The following RNASE4 variants were observed in gnomAD, a reference collection of about 807,000 sequenced individuals.
RNASE4 encodes the protein ribonuclease A family member 4.
For missense variants in RNASE4, 194 were observed against 192.8 expected (o/e 1.01, Z -0.04); for synonymous variants, 93 against 71.4 (o/e 1.30, Z -1.52).
chr14:20,688,356 A>T (rs999480901), intron 1 of RNASE4, among the ~76,000 whole-genome samples: 1 of 152,254 alleles, frequency 6.6e-6, no homozygotes, highest in African/African-American at 2.4e-5. Flanking sequence ...AGGATGTGAT[A>T]TGATAAATGA....
intron 1 of RNASE4, chr14:20,694,282 T>A: frequency 2.1e-6 from 1 of 476,218 alleles, no homozygotes; most frequent in Non-Finnish European, 3.7e-6. Flanking sequence ...AGAAATGCCT[T>A]TTTCTTTTCT....
intron 1 of RNASE4, among the ~76,000 whole-genome samples, chr14:20,692,538 G>A (rs1267913344): frequency 6.6e-6 from 1 of 152,218 alleles, no homozygotes; most frequent in Admixed American, 6.5e-5. Context: ...ATTCTCATAG[G>A]AGCTGGACGC....
chr14:20,697,038 A>T (rs923329163), intron 1 of RNASE4, among the ~76,000 whole-genome samples: 5 of 152,174 alleles, frequency 3.3e-5, no homozygotes, highest in Admixed American at 6.5e-5. Context: ...GAGATCATTC[A>T]ATTTTCTCTT....
intron 1 of RNASE4, among the ~76,000 whole-genome samples, chr14:20,694,554 C>T (rs1887011122): frequency 6.6e-6 from 1 of 152,040 alleles, no homozygotes; most frequent in Non-Finnish European, 1.5e-5. Context: ...CCCACCTTGG[C>T]CTCTCAAAGT....
At chr14:20,694,359 G>A (rs1887000599) in intron 1 of RNASE4, among the ~76,000 whole-genome samples, 1 of 142,570 alleles carries the variant, frequency 7.0e-6, no homozygotes, top group Non-Finnish European at 1.5e-5. Flanking sequence ...AAGTGCAATG[G>A]CACAATCTCG....
chr14:20,689,332 G>T (rs1010942432), intron 1 of RNASE4, among the ~76,000 whole-genome samples: 4 of 152,180 alleles, frequency 2.6e-5, no homozygotes, highest in African/African-American at 9.7e-5. Flanking sequence ...TCAAAAGAAG[G>T]CTCACTGGCA....
intron 1 of RNASE4, among the ~76,000 whole-genome samples, chr14:20,687,014 G>GA (rs917757085): frequency 6.6e-6 from 1 of 152,190 alleles, no homozygotes; most frequent in African/African-American, 2.4e-5. Context: ...AAATCTCCAG[G>GA]AAAGGGGAAT....
intron 1 of RNASE4, among the ~76,000 whole-genome samples, chr14:20,689,566 G>T (rs1412644683): frequency 1.3e-5 from 2 of 152,128 alleles, no homozygotes; most frequent in African/African-American, 4.8e-5. Flanking sequence ...GAGAGGGAGA[G>T]AATAATTCTT....
intron 1 of RNASE4, among the ~76,000 whole-genome samples, chr14:20,695,148 G>A (rs1416619397): frequency 6.6e-6 from 1 of 152,216 alleles, no homozygotes; most frequent in Non-Finnish European, 1.5e-5. Context: ...CTGTAATCCA[G>A]CACTTTGGGA....
In RNASE4 at chr14:20,699,781, G is replaced by T. The variant is rs1293310594; in HGVS notation, c.410G>T (p.Gly137Val). 2.5e-6 allele frequency: 4 copies of T among 1,612,534 alleles called. No individual in the cohort carries two copies. The highest frequency in any genetic ancestry group is 2.5e-6 in the Non-Finnish European group (3 of 1,179,998). Reference sequence around the variant, plus strand: ...AGACGTGTTGTCATTGCCTGTGAGGGTAACCCACAGGTGCCTGTGCACTTT... The same window carrying T: ...AGACGTGTTGTCATTGCCTGTGAGGTTAACCCACAGGTGCCTGTGCACTTT... Reference protein sequence around the residue: ...STRRVVIACEGNPQVPVHFDG With the variant: ...STRRVVIACEVNPQVPVHFDG The change falls in exon 2 of 2, where the codon GGT becomes GTT. Residue 137 changes from glycine (G) to valine (V), a missense_variant. Coordinates refer to ENST00000555835, the MANE Select transcript of RNASE4 (RefSeq NM_002937.5).
intron 1 of RNASE4, among the ~76,000 whole-genome samples, chr14:20,697,624 C>T (rs1200998978): frequency 6.6e-6 from 1 of 152,134 alleles, no homozygotes; most frequent in Non-Finnish European, 1.5e-5. Context: ...AGGTACAGGT[C>T]GTTTGGAAGC....
At chr14:20,694,037 C>G (rs746829799) in intron 1 of RNASE4, 2 of 1,612,592 alleles carry the variant, frequency 1.2e-6, no homozygotes, top group East Asian at 2.2e-5. Context: ...AGTGCTGGCT[C>G]TGCTGTCCTT....
Position 20,699,977 on chromosome 14 carries a change from A to C in RNASE4, c.*162A>C. 1.5e-6 allele frequency: 1 copy of C among 645,504 alleles called. No individual in the cohort carries two copies. Among genetic ancestry groups the C allele is most frequent in the Non-Finnish European group, 2.7e-6 (1 of 366,152 alleles). The allele number at this position is 645,504 out of a possible 1,614,324, so 40.0% of individuals were successfully genotyped here. ...CTATTAAATACATTGCACCAAAGAG[A>C]TATGGAGACATAAACCTGTAATGAA... On this transcript the variant is annotated 3_prime_UTR_variant, in exon 2 of 2. Coordinates refer to ENST00000555835, the MANE Select transcript of RNASE4 (RefSeq NM_002937.5).
At position 20,699,729 on chromosome 14, in the gene RNASE4, T is replaced by G. The variant is rs1887227330; in HGVS notation, c.358T>G (p.Cys120Gly). The change falls in exon 2 of 2, where the codon TGC (cysteine) becomes GGC (glycine). Residue 120 changes from cysteine (C) to glycine (G), a missense_variant. Transcript: ENST00000555835. ...RDTGSSRAPN[C>G]RYRAIASTRR... ...CACAGGAAGTTCCAGGGCACCCAACTGCAGATATCGGGCCATAGCGAGCAC... is the reference window on the plus strand; with the variant it reads ...CACAGGAAGTTCCAGGGCACCCAACGGCAGATATCGGGCCATAGCGAGCAC... 2 of 1,610,780 alleles carry G rather than the reference T, an allele frequency of 1.2e-6. No homozygotes were observed. The highest frequency in any genetic ancestry group is 1.7e-6 in the Non-Finnish European group (2 of 1,180,022).
intron 1 of RNASE4, chr14:20,699,113 G>A: frequency 2.2e-6 from 1 of 460,268 alleles, no homozygotes; most frequent in Non-Finnish European, 3.9e-6. Context: ...CATTGTACTG[G>A]CCACAGCAAC....
At chr14:20,698,174 C>T (rs1887155101) in intron 1 of RNASE4, among the ~76,000 whole-genome samples, 1 of 151,712 alleles carries the variant, frequency 6.6e-6, no homozygotes, top group Non-Finnish European at 1.5e-5. Flanking sequence ...TTTTTGTTGC[C>T]ACTCTGGCTT....
chr14:20,686,169 G>A (rs1034681845), intron 1 of RNASE4, among the ~76,000 whole-genome samples: 1 of 152,078 alleles, frequency 6.6e-6, no homozygotes, highest in East Asian at 1.9e-4. Flanking sequence ...ATGAGGGGTG[G>A]ACAGAGTCTC....
Position 20,699,693 on chromosome 14 carries a change from G to C in RNASE4, c.322G>C (p.Asp108His). 6.2e-7 allele frequency: 1 copy of C among 1,610,016 alleles called. No individual in the cohort carries two copies. Among genetic ancestry groups the C allele is most frequent in the Non-Finnish European group, 8.5e-7 (1 of 1,180,004 alleles). The change falls in exon 2 of 2, where the codon GAT becomes CAT. Residue 108 changes from aspartate to histidine, a missense_variant. By Grantham distance (81) the Asp-to-His change is moderately conservative. Coordinates refer to ENST00000555835, the MANE Select transcript of RNASE4 (RefSeq NM_002937.5). Reference sequence around the variant, plus strand: ...CCATGAGGGTGTAGTGAAGGTCACAGATTGCAGGGACACAGGAAGTTCCAG... The same window carrying C: ...CCATGAGGGTGTAGTGAAGGTCACACATTGCAGGGACACAGGAAGTTCCAG... ...NCHEGVVKVT[D>H]CRDTGSSRAP...
rs1268270786 is a variant in RNASE4 at position 20,699,497 on chromosome 14, C to T, written c.126C>T (p.His42=). Residue 42 remains histidine, a synonymous_variant, in exon 2 of 2, where the codon CAC becomes CAT. Transcript: ENST00000555835. ...MYQRFLRQHV[H]PEETGGSDRY... is the part of the protein sequence containing the mutation. The stretch of plus-strand genomic sequence containing the variant: ...AGCGATTCCTGCGGCAACACGTGCA[C>T]CCTGAGGAGACAGGTGGCAGTGATC... The T allele has an allele frequency of 1.5e-5, 25 of 1,614,032 alleles. No individual in the cohort carries two copies. Among genetic ancestry groups the T allele is most frequent in the Non-Finnish European group, 2.0e-5 (24 of 1,180,056 alleles).
Sources: allele counts gnomAD v4.1 joint callset (sites outside exome capture counted in the v4.1 genomes callset), GRCh38; gene constraint gnomAD v4.1.1; transcripts MANE v1.5; gene names NCBI Gene and HGNC (gene_info 2026-07-23, HGNC 2026-07-21).